CC2D2A: variants seen among roughly 807,000 people sequenced by gnomAD.
The protein encoded by CC2D2A is coiled-coil and C2 domain containing 2A.
CC2D2A carries 155 observed loss-of-function variants against 212.9 expected under a neutral mutation model. The ratio of observed to expected loss-of-function variants is 0.73; its 90% CI spans 0.64 to 0.83. The LOEUF (loss-of-function observed/expected upper bound fraction) is 0.83, where lower values mean the gene tolerates loss of function less well. Ranked by LOEUF, CC2D2A falls within the 40% of genes least tolerant of loss-of-function variation. The pLI, the probability that CC2D2A is intolerant of heterozygous loss-of-function variation, is 0.00. For synonymous variants in CC2D2A, 667 were observed against 686.5 expected, an observed-to-expected ratio of 0.97 and a Z score of 0.44; for missense variants, 1,856 against 1,956.2, an observed-to-expected ratio of 0.95 and a Z score of 0.97.
chr4:15,500,198 C>T (rs1223349778), intron 4 of CC2D2A, among the ~76,000 whole-genome samples: 2 of 150,760 alleles, frequency 1.3e-5, no homozygotes, highest in Non-Finnish European at 2.9e-5. Context: ...ATTTCTCCTA[C>T]TTGATCTGCA....
intron 35 of CC2D2A, 39 bp from the exon 36 acceptor site, chr4:15,599,490 G>C (rs751242701): frequency 1.5e-6 from 2 of 1,358,960 alleles, no homozygotes; most frequent in African/African-American, 1.5e-5. Context: ...CAAGGGAAAA[G>C]TGAGTCACCA....
At chr4:15,593,953 C>T (rs1463826066) in intron 33 of CC2D2A, among the ~76,000 whole-genome samples, 2 of 152,102 alleles carry the variant, frequency 1.3e-5, no homozygotes, top group East Asian at 3.9e-4. Context: ...CCAGTGACTT[C>T]CTATCTCACT....
rs1442449090 is a variant in CC2D2A, at chr4:15,511,115, A to G, written c.541-132A>G. The G allele has an allele frequency of 6.9e-6, 7 of 1,018,066 alleles. No homozygotes were observed. The Admixed American group carries it at 2.3e-4, about 34-fold the overall frequency. 63.1% of individuals were successfully genotyped at this position (1,018,066 alleles called of 1,614,324 possible). ...TATTACCAGTAGTCTCACACCTTTA[A>G]CTAAGACAATATGCTTCGGAGGCCT... is the stretch of plus-strand genomic sequence containing the variant. On this transcript the variant is annotated intron_variant, in intron 7 of 36. Coordinates refer to ENST00000424120, the MANE Select transcript of CC2D2A (RefSeq NM_001378615.1).
At chr4:15,495,393 G>C (rs1380661659) in intron 4 of CC2D2A, among the ~76,000 whole-genome samples, 1 of 152,170 alleles carries the variant, frequency 6.6e-6, no homozygotes, top group East Asian at 1.9e-4. Context: ...ACAGGCATGA[G>C]CCACCACGCC....
At position 15,475,946 on chromosome 4, in the gene CC2D2A, A is replaced by G; in HGVS notation, c.14A>G (p.Glu5Gly). The part of the protein sequence containing the change: MNPR[E>G]EKVKIITEEF... ...ATCCCAGCCAAAATGAATCCCAGGG[A>G]AGAAAAAGTAAAAATAATTACAGAG... is the stretch of plus-strand genomic sequence containing the variant. Residue 5 changes from glutamate (E) to glycine (G), a missense_variant, in exon 2 of 37, where the codon GAA (glutamate) becomes GGA (glycine). Glu to Gly is a moderately conservative substitution (Grantham distance 98). Coordinates refer to ENST00000424120, the MANE Select transcript of CC2D2A (RefSeq NM_001378615.1). 2 of 1,590,078 alleles carry G rather than the reference A, an allele frequency of 1.3e-6. No homozygotes were observed. Among genetic ancestry groups the G allele is most frequent in the Non-Finnish European group, 1.7e-6 (2 of 1,167,356 alleles).
Position 15,574,177 on chromosome 4 carries a change from C to A in CC2D2A, c.3622C>A (p.Pro1208Thr). 1 of 1,548,116 alleles carries A rather than the reference C, an allele frequency of 6.5e-7. No homozygotes were observed. The highest frequency in any genetic ancestry group is 1.2e-5 in the South Asian group (1 of 83,304). Residue 1208 changes from proline to threonine, a missense_variant, in exon 29 of 37, where the codon CCC (proline) becomes ACC (threonine). Physicochemically the swap from Pro to Thr is conservative, Grantham distance 38. Transcript: ENST00000424120. Reference sequence around the variant, plus strand: ...TGATGGAACATTTAAAATAGATATTCCCCCAGTTCTTCTGGGCTACAGTAA... The same window carrying A: ...TGATGGAACATTTAAAATAGATATTACCCCAGTTCTTCTGGGCTACAGTAA... ...RIDGTFKIDI[P>T]PVLLGYSKER...
chr4:15,501,188 T>C (rs1329048381), intron 4 of CC2D2A, among the ~76,000 whole-genome samples: 1 of 152,152 alleles, frequency 6.6e-6, no homozygotes, highest in Non-Finnish European at 1.5e-5. Context: ...TGAAAATCTG[T>C]GTATCTAAAA....
intron 3 of CC2D2A, among the ~76,000 whole-genome samples, chr4:15,480,332 T>C (rs1685307768): frequency 6.6e-6 from 1 of 152,174 alleles, no homozygotes; most frequent in Admixed American, 6.5e-5. Context: ...GACTAAATAT[T>C]TGCCCCTGAA....
intron 19 of CC2D2A, 99 bp from the exon 20 acceptor site, chr4:15,554,973 T>G: frequency 8.3e-7 from 1 of 1,210,476 alleles, no homozygotes. Context: ...TCATGGAGGA[T>G]AATAGCTTCC....
intron 12 of CC2D2A, among the ~76,000 whole-genome samples, chr4:15,528,088 T>G (rs1216889326): frequency 6.6e-6 from 1 of 152,252 alleles, no homozygotes; most frequent in Non-Finnish European, 1.5e-5. Context: ...AAGGAATGGC[T>G]AAGCATTTGG....
At chr4:15,504,742 T>G (rs763889324) in intron 6 of CC2D2A, among the ~76,000 whole-genome samples, 6 of 152,218 alleles carry the variant, frequency 3.9e-5, no homozygotes, top group Admixed American at 6.5e-5. Context: ...CTAAGTACCA[T>G]TCTTACAGTA....
intron 15 of CC2D2A, 110 bp from the exon 16 acceptor site, chr4:15,537,789 G>T (rs1397656697): frequency 7.7e-6 from 9 of 1,171,650 alleles, no homozygotes; most frequent in Non-Finnish European, 9.7e-6. Flanking sequence ...CACACTTCTG[G>T]TTGAAATGGG....
intron 20 of CC2D2A, among the ~76,000 whole-genome samples, chr4:15,556,203 C>T (rs1719272054): frequency 6.6e-6 from 1 of 152,188 alleles, no homozygotes; most frequent in Non-Finnish European, 1.5e-5. Context: ...CCATAATAAA[C>T]AAGTAGGTAA....
intron 17 of CC2D2A, among the ~76,000 whole-genome samples, chr4:15,548,200 T>G (rs945722956): frequency 6.6e-6 from 1 of 151,632 alleles, no homozygotes; most frequent in Non-Finnish European, 1.5e-5. Context: ...CCTGAGACAG[T>G]AACACCAACT....
chr4:15,557,801 C>T (rs1719366457), intron 21 of CC2D2A, among the ~76,000 whole-genome samples: 1 of 152,286 alleles, frequency 6.6e-6, no homozygotes, highest in Non-Finnish European at 1.5e-5. Context: ...GTTAATATGG[C>T]TAATAATATG....
chr4:15,591,360 C>CA (rs1377376357), intron 33 of CC2D2A, among the ~76,000 whole-genome samples: 8 of 151,910 alleles, frequency 5.3e-5, no homozygotes, highest in African/African-American at 1.9e-4. Context: ...GCTGGGATTA[C>CA]AGGCATGCAC....
chr4:15,597,593 T>G, intron 35 of CC2D2A, 128 bp downstream of exon 35: 1 of 757,456 alleles, frequency 1.3e-6, no homozygotes, highest in Admixed American at 2.4e-5. Flanking sequence ...TGTTTATAGA[T>G]TCCAAATACA....
rs113065116 is a variant in CC2D2A, at chr4:15,596,104, G to A, written c.4334G>A (p.Arg1445Gln). 94 of 1,547,002 alleles carry A rather than the reference G, an allele frequency of 6.1e-5. No homozygotes were observed. Among genetic ancestry groups the A allele is most frequent in the South Asian group, 5.5e-4 (46 of 83,052 alleles). Residue 1445 changes from arginine to glutamine, a missense_variant, in exon 34 of 37, where the codon CGA becomes CAA. Arg to Gln is a conservative substitution (Grantham distance 43). This residue lies in a region of CC2D2A where 285 missense variants were observed against 278.4 expected (regional missense o/e 1.02). Transcript: ENST00000424120. ...GPDNIWFNIQRYESPLRINFD... is the reference protein window; with the variant it reads ...GPDNIWFNIQQYESPLRINFD... ...TCTTAGATTTGGTTTAATATTCAAC[G>A]ATATGAATCTCCACTAAGGATAAAT... is the stretch of plus-strand genomic sequence containing the variant.
intron 4 of CC2D2A, among the ~76,000 whole-genome samples, chr4:15,490,556 G>A (rs1715240815): frequency 6.6e-6 from 1 of 152,082 alleles, no homozygotes; most frequent in Non-Finnish European, 1.5e-5. Flanking sequence ...CCTGTTGACG[G>A]ACATGTGGAT....
Sources: allele counts gnomAD v4.1 joint callset (sites outside exome capture counted in the v4.1 genomes callset), GRCh38; gene constraint gnomAD v4.1.1; regional missense constraint gnomAD v4.1.1; transcripts MANE v1.5; gene names NCBI Gene and HGNC (gene_info 2026-07-23, HGNC 2026-07-21).